Variants in PTGER3 observed in about 807,000 individuals in gnomAD.
PTGER3 encodes prostaglandin E2 receptor EP3 subtype.
Under a neutral mutation model 34.7 loss-of-function variants are expected in PTGER3, and 22 were observed. The ratio of observed to expected loss-of-function variants is 0.63; its 90% CI spans 0.45 to 0.91. PTGER3 has a LOEUF of 0.91. Ranked by LOEUF, PTGER3 falls within the 40% of genes least tolerant of loss-of-function variation. The probability of loss-of-function intolerance (pLI) is 0.00; values close to 1 mark genes in which losing one functional copy is unlikely to be tolerated. For synonymous variants in PTGER3, 241 were observed against 230.1 expected, an observed-to-expected ratio of 1.05 and a Z score of -0.43; for missense variants, 468 against 519.4, an observed-to-expected ratio of 0.90 and a Z score of 0.96.
chr1:71,041,053 A>T (rs1660271693), intron 1 of PTGER3, among the ~76,000 whole-genome samples: 1 of 152,206 alleles, frequency 6.6e-6, no homozygotes, highest in Non-Finnish European at 1.5e-5. Context: ...ATGCTGCCCA[A>T]CTGTCATTTC....
At chr1:70,949,009 A>G (rs1018831412), downstream of PTGER3, among the ~76,000 whole-genome samples, 1 of 152,174 alleles carries the variant, frequency 6.6e-6, no homozygotes, top group African/African-American at 2.4e-5. Flanking sequence ...ACTGGATTCA[A>G]ATAGAGTTTG....
intron 2 of PTGER3, among the ~76,000 whole-genome samples, chr1:71,000,652 T>C (rs985902504): frequency 3.9e-5 from 6 of 152,022 alleles, no homozygotes; most frequent in African/African-American, 1.2e-4. Flanking sequence ...ACCAGAAAAA[T>C]GTTAGACTCC....
intron 4 of PTGER3, among the ~76,000 whole-genome samples, chr1:70,913,544 C>T (rs1383382437): frequency 6.6e-6 from 1 of 151,878 alleles, no homozygotes; most frequent in Non-Finnish European, 1.5e-5. Flanking sequence ...AAGGAGACAG[C>T]TTTGCCTCAT....
intron 2 of PTGER3, among the ~76,000 whole-genome samples, chr1:70,954,102 C>T (rs990133417): frequency 6.6e-5 from 10 of 152,234 alleles, no homozygotes; most frequent in African/African-American, 1.4e-4. Context: ...CTCTGTCACA[C>T]GCTGCTCCCA....
rs1007275271 is a variant in PTGER3 at position 71,008,322 on chromosome 1, G to C, written c.1077+3983C>G. On this transcript the variant is annotated intron_variant, in intron 2 of 3. Coordinates refer to ENST00000306666, the MANE Select transcript of PTGER3 (RefSeq NM_198719.2). The stretch of plus-strand genomic sequence containing the variant: ...ACATAAATAAATATAATACATATCT[G>C]ATTGAATTATATTTCTAGAGAATCA... The C allele has an allele frequency of 1.2e-5, 10 of 865,362 alleles. No individual in the cohort carries two copies. In the South Asian group the frequency reaches 5.3e-4, roughly 46 times the overall value. The allele number at this position is 865,362 out of a possible 1,614,324, so 53.6% of individuals were successfully genotyped here.
At chr1:71,041,995 A>G (rs1188846906) in intron 1 of PTGER3, among the ~76,000 whole-genome samples, 1 of 152,172 alleles carries the variant, frequency 6.6e-6, no homozygotes, top group Admixed American at 6.6e-5. Context: ...TTAGTCCCAG[A>G]AAACTAAACC....
rs1031716619 is a variant in PTGER3 at position 71,008,392 on chromosome 1, A to T, written c.1077+3913T>A. On this transcript the variant is annotated intron_variant, in intron 2 of 3. Coordinates refer to ENST00000306666, the MANE Select transcript of PTGER3 (RefSeq NM_198719.2). ...TATCATAATGTAATGGTATATGACT[A>T]AACTTATATAAATTATAACCCTTAA... 3.4e-6 allele frequency: 3 copies of T among 871,396 alleles called. No homozygotes were observed. In the African/African-American group the frequency reaches 5.5e-5, roughly 16 times the overall value. The allele number at this position is 871,396 out of a possible 1,614,324, so 54.0% of individuals were successfully genotyped here. A position where few individuals can be genotyped will look rare whatever the true frequency, so the allele number is the denominator to read the frequency against.
chr1:71,012,711 G>A (rs953927800), intron 1 of PTGER3, among the ~76,000 whole-genome samples: 4 of 152,140 alleles, frequency 2.6e-5, no homozygotes, highest in African/African-American at 9.7e-5. Flanking sequence ...TTTAAAACAT[G>A]CATGTCTTCA....
chr1:70,887,434 G>A (rs954704471), intron 4 of PTGER3, among the ~76,000 whole-genome samples: 2 of 152,128 alleles, frequency 1.3e-5, no homozygotes, highest in Admixed American at 1.3e-4. Context: ...CAACCCAAAT[G>A]TGTGTAATTT....
chr1:70,901,691 G>A (rs1013511367), intron 4 of PTGER3, among the ~76,000 whole-genome samples: 11 of 152,132 alleles, frequency 7.2e-5, no homozygotes, highest in Admixed American at 3.3e-4. Flanking sequence ...ACAGGTGTTC[G>A]CTTCAAAAGG....
rs144588441 is a variant in PTGER3, at chr1:71,018,116, A to T, written c.898-5632T>A. 4.3e-3 allele frequency among the ~76,000 whole-genome samples: 649 copies of T among 152,240 alleles called. 2 individuals carry two copies. Among genetic ancestry groups the T allele is most frequent in the South Asian group, 6.9e-3 (33 of 4,808 alleles). ...CAGGTGGACTAATACAGCCACCAAG[A>T]TTACAATAATTTGCTACAGCAGCAG... On this transcript the variant is annotated intron_variant, in intron 1 of 3. Transcript: ENST00000306666.
At chr1:70,926,402 T>C (rs1439392390) in intron 4 of PTGER3, among the ~76,000 whole-genome samples, 1 of 152,208 alleles carries the variant, frequency 6.6e-6, no homozygotes, top group Non-Finnish European at 1.5e-5. Context: ...TCACGTCCCT[T>C]GTAAGTTGGA....
At chr1:70,903,591 C>T (rs17541514) in intron 4 of PTGER3, among the ~76,000 whole-genome samples, 44,907 of 152,042 alleles carry the variant, frequency 0.3, 6,889 homozygotes, top group South Asian at 0.45. Flanking sequence ...GTTTTCACTA[C>T]GAACCCATGC....
intron 4 of PTGER3, among the ~76,000 whole-genome samples, chr1:70,885,085 T>G (rs1430295766): frequency 6.6e-6 from 1 of 152,156 alleles, no homozygotes; most frequent in Non-Finnish European, 1.5e-5. Context: ...ATTTGTCTGT[T>G]TCTAAAGAAT....
chr1:70,905,228 C>T (rs530079598), intron 4 of PTGER3, among the ~76,000 whole-genome samples: 37 of 152,184 alleles, frequency 2.4e-4, no homozygotes, highest in African/African-American at 8.9e-4. Flanking sequence ...AAGTTTGCTG[C>T]AGGGGTGGGG....
At chr1:70,943,371 G>A (rs1353706047) in intron 4 of PTGER3, among the ~76,000 whole-genome samples, 1 of 151,990 alleles carries the variant, frequency 6.6e-6, no homozygotes, top group Non-Finnish European at 1.5e-5. Context: ...TTTGATACAC[G>A]ATTTCATCAT....
At chr1:70,936,681 A>G (rs1488604476) in intron 4 of PTGER3, among the ~76,000 whole-genome samples, 1 of 152,210 alleles carries the variant, frequency 6.6e-6, no homozygotes, top group East Asian at 1.9e-4. Context: ...AAGACTATGT[A>G]ACACAAGAGA....
At chr1:71,043,940 C>T (rs1660528359) in intron 1 of PTGER3, among the ~76,000 whole-genome samples, 1 of 151,432 alleles carries the variant, frequency 6.6e-6, no homozygotes, top group East Asian at 2.0e-4. Context: ...CATCAGCCTC[C>T]CGAGTAACTG....
intron 4 of PTGER3, among the ~76,000 whole-genome samples, chr1:70,903,057 C>T (rs1646874792): frequency 6.6e-6 from 1 of 152,056 alleles, no homozygotes; most frequent in Non-Finnish European, 1.5e-5. Context: ...TAACAAGTGC[C>T]CTCATAAAGA....
Sources: allele counts gnomAD v4.1 joint callset (sites outside exome capture counted in the v4.1 genomes callset), GRCh38; gene constraint gnomAD v4.1.1; transcripts MANE v1.5; gene names NCBI Gene and HGNC (gene_info 2026-07-23, HGNC 2026-07-21).